Variants in ETV6 observed in about 807,000 individuals in gnomAD.
ETV6 encodes the protein transcription factor ETV6.
In ETV6, 16 loss-of-function variants were observed where a neutral mutation model predicts 51.1. That is an observed-to-expected ratio of 0.31 (90% CI 0.21 to 0.48). ETV6 has a LOEUF of 0.48. Ranked by LOEUF, ETV6 falls within the 20% of genes least tolerant of loss-of-function variation. ETV6 has a pLI of 0.99. For synonymous variants in ETV6, 240 were observed against 224.1 expected (o/e 1.07, Z -0.64); for missense variants, 458 against 594.8 (o/e 0.77, Z 2.39).
chr12:11,728,677 C>T (rs1002350366), intron 1 of ETV6, among the ~76,000 whole-genome samples: 8 of 152,018 alleles, frequency 5.3e-5, no homozygotes, highest in Admixed American at 2.0e-4. Flanking sequence ...TCATAGAGGA[C>T]GCAGGGCTGG....
At chr12:11,849,800 G>C (rs1946521115) in intron 3 of ETV6, among the ~76,000 whole-genome samples, 1 of 152,184 alleles carries the variant, frequency 6.6e-6, no homozygotes, top group Non-Finnish European at 1.5e-5. Flanking sequence ...CAAAGTTTGA[G>C]TCAATCTAGG....
At chr12:11,858,702 C>A (rs1946668235) in intron 4 of ETV6, among the ~76,000 whole-genome samples, 1 of 152,194 alleles carries the variant, frequency 6.6e-6, no homozygotes, top group Non-Finnish European at 1.5e-5. Flanking sequence ...TTCTTAATCA[C>A]TTTAATTTGC....
At chr12:11,806,671 A>G (rs1210390551) in intron 2 of ETV6, among the ~76,000 whole-genome samples, 1 of 152,280 alleles carries the variant, frequency 6.6e-6, no homozygotes, top group Non-Finnish European at 1.5e-5. Flanking sequence ...CTCGTCCTCA[A>G]GGAACTTTCA....
intron 5 of ETV6, among the ~76,000 whole-genome samples, chr12:11,872,660 A>G (rs1042868165): frequency 6.6e-6 from 1 of 151,884 alleles, no homozygotes; most frequent in East Asian, 1.9e-4. Flanking sequence ...TGCCTGGCGA[A>G]TTTTTTTGTA....
At chr12:11,691,784 A>T (rs1379952886) in intron 1 of ETV6, among the ~76,000 whole-genome samples, 1 of 152,206 alleles carries the variant, frequency 6.6e-6, no homozygotes. Flanking sequence ...GATCTTGGCA[A>T]TTGCAAACAG....
chr12:11,780,431 C>A (rs932394294), intron 2 of ETV6, among the ~76,000 whole-genome samples: 1 of 151,870 alleles, frequency 6.6e-6, no homozygotes, highest in African/African-American at 2.4e-5. Flanking sequence ...CAAATAACAA[C>A]AAAAAGCTCT....
chr12:11,852,858 A>G lies in ETV6; in HGVS notation c.329-569A>G, dbSNP rs114024297. ...CTTAGTGATGATGGGATTCTAGGTC[A>G]TGTTTTGTTTTCTTTCTGATTTTCT... On this transcript the variant is annotated intron_variant, in intron 3 of 7. Coordinates refer to ENST00000396373, the MANE Select transcript of ETV6 (RefSeq NM_001987.5). 5.6e-3 allele frequency among the ~76,000 whole-genome samples: 857 copies of G among 152,288 alleles called. 6 individuals carry two copies. Among genetic ancestry groups the G allele is most frequent in the African/African-American group, 0.019 (804 of 41,560 alleles).
At chr12:11,661,720 A>G (rs1385687689) in intron 1 of ETV6, among the ~76,000 whole-genome samples, 1 of 152,232 alleles carries the variant, frequency 6.6e-6, no homozygotes, top group African/African-American at 2.4e-5. Flanking sequence ...AGGAGAGAGC[A>G]TACCTGTTGG....
chr12:11,768,411 A>G (rs1945194622), intron 2 of ETV6, among the ~76,000 whole-genome samples: 2 of 152,344 alleles, frequency 1.3e-5, no homozygotes, highest in Middle Eastern at 3.4e-3. Flanking sequence ...TGCTTTACAC[A>G]TACAGAAACT....
intron 2 of ETV6, among the ~76,000 whole-genome samples, chr12:11,789,518 C>G (rs113249173): frequency 4.0e-4 from 61 of 152,228 alleles, no homozygotes; most frequent in African/African-American, 1.1e-3. Context: ...TTCTCTCCTT[C>G]GGGTGTGAGT....
intron 3 of ETV6, among the ~76,000 whole-genome samples, chr12:11,848,552 G>A (rs932224297): frequency 1.3e-5 from 2 of 152,222 alleles, no homozygotes; most frequent in East Asian, 1.9e-4. Flanking sequence ...CTCAAAGAAC[G>A]TGCCTGGCTT....
intron 1 of ETV6, among the ~76,000 whole-genome samples, chr12:11,746,806 T>C (rs1865917967): frequency 6.6e-6 from 1 of 151,106 alleles, no homozygotes; most frequent in Non-Finnish European, 1.5e-5. Flanking sequence ...TTTTTTTTTT[T>C]TTTTTTTAAT....
chr12:11,745,791 T>C (rs1865896343), intron 1 of ETV6, among the ~76,000 whole-genome samples: 1 of 152,242 alleles, frequency 6.6e-6, no homozygotes, highest in African/African-American at 2.4e-5. Flanking sequence ...TCTTCCGTTG[T>C]TGTTAAAGAC....
At chr12:11,722,712 G>T (rs1865412199) in intron 1 of ETV6, among the ~76,000 whole-genome samples, 1 of 152,228 alleles carries the variant, frequency 6.6e-6, no homozygotes, top group African/African-American at 2.4e-5. Context: ...TAAACTGAGA[G>T]AAATGGACAA....
rs768625156 is a variant in ETV6, at chr12:11,891,089, C to A, written c.*43C>A. 4.1e-6 allele frequency: 6 copies of A among 1,477,134 alleles called. No homozygotes were observed. The African/African-American group carries it at 8.4e-5, about 21-fold the overall frequency. 91.5% of individuals were successfully genotyped at this position (1,477,134 alleles called of 1,614,324 possible). Reference sequence around the variant, plus strand: ...CTCAGCGGGCCAGCAGCCCAGGGAACCCCTGCCCACCAGGATTGCTGGAAG... The same window carrying A: ...CTCAGCGGGCCAGCAGCCCAGGGAAACCCTGCCCACCAGGATTGCTGGAAG... On this transcript the variant is annotated 3_prime_UTR_variant, in exon 8 of 8. Transcript: ENST00000396373.
At chr12:11,659,492 GT>G (rs769177823) in intron 1 of ETV6, among the ~76,000 whole-genome samples, 1 of 152,182 alleles carries the variant, frequency 6.6e-6, no homozygotes, top group Non-Finnish European at 1.5e-5. Context: ...GTGGAAGTTT[GT>G]GATTTTCTTC....
chr12:11,762,183 C>G (rs557376502), intron 2 of ETV6, among the ~76,000 whole-genome samples: 8 of 152,360 alleles, frequency 5.3e-5, no homozygotes, highest in Admixed American at 5.2e-4. Flanking sequence ...CCCTGCCACT[C>G]TTGCCTTATG....
intron 3 of ETV6, among the ~76,000 whole-genome samples, chr12:11,842,561 G>T (rs1946407103): frequency 6.6e-6 from 1 of 152,160 alleles, no homozygotes; most frequent in African/African-American, 2.4e-5. Flanking sequence ...TAACACCAGG[G>T]CATGGCTTCC....
In ETV6 at chr12:11,853,547, A is replaced by T. The variant is rs1476984105; in HGVS notation, c.449A>T (p.Gln150Leu). ...IHTQPEVILHQNHEEDNCVQR... is the reference protein window; with the variant it reads ...IHTQPEVILHLNHEEDNCVQR... ...ACACAGCCGGAGGTCATACTGCATC[A>T]GAACCATGAAGAAGGTACTGGAAGA... The change falls in exon 4 of 8, where the codon CAG (glutamine) becomes CTG (leucine). Residue 150 changes from glutamine to leucine, a missense_variant. By Grantham distance (113) the Gln-to-Leu change is moderately radical (BLOSUM62 -2). Transcript: ENST00000396373. The T allele has an allele frequency of 6.2e-7, 1 of 1,614,268 alleles. No homozygotes were observed. The highest frequency in any genetic ancestry group is 1.1e-5 in the South Asian group (1 of 91,092).
Sources: gnomAD v4.1 joint callset for allele counts (sites outside exome capture counted in the v4.1 genomes callset) on GRCh38, gnomAD v4.1.1 for gene constraint, MANE v1.5 for transcripts, NCBI Gene and HGNC (gene_info 2026-07-23, HGNC 2026-07-21) for gene names.